HCN1: variants seen among roughly 807,000 people sequenced by gnomAD.
HCN1 encodes hyperpolarization activated cyclic nucleotide gated potassium channel 1, also known as potassium/sodium hyperpolarization-activated cyclic nucleotide-gated channel 1.
Under a neutral mutation model 78.9 loss-of-function variants are expected in HCN1, and 13 were observed. That is an observed-to-expected ratio of 0.16 (90% CI 0.11 to 0.26). The LOEUF is 0.26. Ranked by LOEUF, HCN1 falls within the 10% of genes least tolerant of loss-of-function variation. The pLI, the probability that HCN1 is intolerant of heterozygous loss-of-function variation, is 1.00. For missense variants in HCN1, 810 were observed against 1,154.3 expected (o/e 0.70, Z 4.32); for synonymous variants, 552 against 455.5 (o/e 1.21, Z -2.70).
At chr5:45,575,178 A>G (rs1743914338) in intron 2 of HCN1, 1 of 152,180 alleles carries the variant, frequency 6.6e-6, no homozygotes, top group Admixed American at 6.6e-5. Context: ...TTTAATAGCT[A>G]AAGATGAAAA....
intron 2 of HCN1, among the ~76,000 whole-genome samples, chr5:45,580,214 A>G (rs1200109847): frequency 6.6e-6 from 1 of 152,104 alleles, no homozygotes; most frequent in African/African-American, 2.4e-5. Flanking sequence ...GCCTTAAAAT[A>G]GGGAGATTAC....
chr5:45,323,687 G>A (rs1746173870), intron 5 of HCN1, among the ~76,000 whole-genome samples: 1 of 151,814 alleles, frequency 6.6e-6, no homozygotes, highest in Non-Finnish European at 1.5e-5. Flanking sequence ...TTAGCATTAG[G>A]TATATCTCCT....
At chr5:45,296,501 A>G (rs891296404) in intron 6 of HCN1, among the ~76,000 whole-genome samples, 1 of 152,094 alleles carries the variant, frequency 6.6e-6, no homozygotes, top group Middle Eastern at 3.4e-3. Flanking sequence ...AGTATTAGAT[A>G]AATATATTAG....
At chr5:45,425,555 G>A (rs954270507) in intron 3 of HCN1, among the ~76,000 whole-genome samples, 1 of 152,126 alleles carries the variant, frequency 6.6e-6, no homozygotes, top group African/African-American at 2.4e-5. Context: ...GAGAGGGCAG[G>A]AGAAATAAAG....
At chr5:45,597,321 A>G (rs1744521532) in intron 2 of HCN1, among the ~76,000 whole-genome samples, 1 of 152,234 alleles carries the variant, frequency 6.6e-6, no homozygotes, top group Non-Finnish European at 1.5e-5. Context: ...CAAAAAACAC[A>G]TGATTATCTC....
At chr5:45,365,496 T>C (rs1338288861) in intron 4 of HCN1, among the ~76,000 whole-genome samples, 2 of 151,992 alleles carry the variant, frequency 1.3e-5, no homozygotes, top group East Asian at 3.9e-4. Flanking sequence ...GGCCTCAAAC[T>C]CCACTTTGCT....
chr5:45,284,061 T>C (rs915615273), intron 6 of HCN1, among the ~76,000 whole-genome samples: 11 of 152,240 alleles, frequency 7.2e-5, no homozygotes, highest in Admixed American at 2.0e-4. Context: ...AAATACGGCA[T>C]GTTATCACTT....
chr5:45,641,050 A>G (rs543175333), intron 2 of HCN1, among the ~76,000 whole-genome samples: 355 of 152,278 alleles, frequency 2.3e-3, no homozygotes, highest in African/African-American at 8.1e-3. Context: ...CACAGCAAGG[A>G]AACACAGATT....
intron 2 of HCN1, among the ~76,000 whole-genome samples, chr5:45,584,649 T>C (rs1579983625): frequency 1.3e-5 from 2 of 152,202 alleles, no homozygotes; most frequent in African/African-American, 4.8e-5. Context: ...ATTTGGCATG[T>C]TTTTGCAGTG....
At chr5:45,441,649 A>T (rs767134312) in intron 3 of HCN1, among the ~76,000 whole-genome samples, 21 of 152,210 alleles carry the variant, frequency 1.4e-4, no homozygotes, top group Non-Finnish European at 2.8e-4. Context: ...TTTATCACTG[A>T]CATGTGGATT....
chr5:45,500,524 T>C (rs1274075027), intron 2 of HCN1, among the ~76,000 whole-genome samples: 2 of 152,208 alleles, frequency 1.3e-5, no homozygotes, highest in African/African-American at 4.8e-5. Context: ...ACTTTTGGAT[T>C]AGAGGAATAA....
At position 45,349,080 on chromosome 5, in the gene HCN1, G is replaced by T. The variant is rs1261572689; in HGVS notation, c.1377+4020C>A. ...ATCAATAGAATATACATTTTTTTCA[G>T]CACCACACCACACCTCTTCCAAAAT... On this transcript the variant is annotated intron_variant, in intron 5 of 7. Coordinates refer to ENST00000303230, the MANE Select transcript of HCN1 (RefSeq NM_021072.4). Among the ~76,000 whole-genome samples the T allele has an allele frequency of 1.3e-5, 2 of 151,996 alleles. 1 individual carries two copies. The highest frequency in any genetic ancestry group is 4.8e-5 in the African/African-American group (2 of 41,342).
intron 2 of HCN1, among the ~76,000 whole-genome samples, chr5:45,616,317 T>C (rs965505471): frequency 6.6e-5 from 10 of 151,914 alleles, no homozygotes; most frequent in African/African-American, 2.4e-4. Context: ...GAAAAACTTA[T>C]CAGATGCTCA....
chr5:45,296,034 G>T (rs192245147), intron 6 of HCN1, among the ~76,000 whole-genome samples: 40 of 151,998 alleles, frequency 2.6e-4, no homozygotes, highest in African/African-American at 8.0e-4. Flanking sequence ...CCCATAAAAG[G>T]CTTGTGCTTC....
intron 6 of HCN1, among the ~76,000 whole-genome samples, chr5:45,282,888 A>T (rs1745195589): frequency 6.6e-6 from 1 of 152,186 alleles, no homozygotes; most frequent in Non-Finnish European, 1.5e-5. Flanking sequence ...TGATTTAAAT[A>T]AAATATTAGT....
At chr5:45,421,797 T>C (rs1287675838) in intron 3 of HCN1, among the ~76,000 whole-genome samples, 3 of 152,320 alleles carry the variant, frequency 2.0e-5, no homozygotes, top group East Asian at 1.9e-4. Context: ...AGTGTCAGTA[T>C]GGTGGAATTC....
At chr5:45,396,468 T>G in intron 4 of HCN1, 24 bp downstream of exon 4, 1 of 1,591,518 alleles carries the variant, frequency 6.3e-7, no homozygotes, top group Admixed American at 1.7e-5. Context: ...GTTAAAGACA[T>G]TGGCGATAAA....
chr5:45,259,461 T>C lies in HCN1; in HGVS notation c.*2460A>G, dbSNP rs1744686705. 1 of 152,392 alleles carries C rather than the reference T, an allele frequency of 6.6e-6. No individual in the cohort carries two copies. Among genetic ancestry groups the C allele is most frequent in the Non-Finnish European group, 1.5e-5 (1 of 67,932 alleles). 9.4% of individuals were successfully genotyped at this position (152,392 alleles called of 1,614,324 possible). A position where few individuals can be genotyped will look rare whatever the true frequency, so the allele number is the denominator to read the frequency against. ...AAAACTCCATACATACGGGCTTCAC[T>C]ATGTACAGAGAAAAGAGGTCACTTT... On this transcript the variant is annotated 3_prime_UTR_variant, in exon 8 of 8. Coordinates refer to ENST00000303230, the MANE Select transcript of HCN1 (RefSeq NM_021072.4).
At chr5:45,421,570 C>T (rs73101214) in intron 3 of HCN1, among the ~76,000 whole-genome samples, 2 of 151,776 alleles carry the variant, frequency 1.3e-5, no homozygotes, top group Non-Finnish European at 1.5e-5. Flanking sequence ...CAAAAAAAAA[C>T]CAAGAAACAG....
Sources: allele counts gnomAD v4.1 joint callset (sites outside exome capture counted in the v4.1 genomes callset), GRCh38; gene constraint gnomAD v4.1.1; transcripts MANE v1.5; gene names NCBI Gene and HGNC (gene_info 2026-07-23, HGNC 2026-07-21).